B4GALT7: variants seen among roughly 807,000 people sequenced by gnomAD.
B4GALT7 encodes UDP-Gal:beta-GlcNAc beta-1,4-galactosyltransferase 7.
In B4GALT7, 30 loss-of-function variants were observed where a neutral mutation model predicts 33.0. That is an observed-to-expected ratio of 0.91 (90% CI 0.68 to 1.23). B4GALT7 has a LOEUF of 1.23. Among genes scored for constraint, B4GALT7 ranks in the 50% most tolerant of loss-of-function variants. The pLI is 0.00. For missense variants in B4GALT7, 507 were observed against 450.8 expected, an observed-to-expected ratio of 1.12 and a Z score of -1.13; for synonymous variants, 213 against 187.2, an observed-to-expected ratio of 1.14 and a Z score of -1.13.
intron 3 of B4GALT7, chr5:177,607,948 C>T (rs1017368412): frequency 1.5e-4 from 44 of 294,520 alleles, no homozygotes; most frequent in South Asian, 1.5e-3. Flanking sequence ...TCCCTTGTAG[C>T]TCAGGCAGGA....
chr5:177,607,334 T>TC lies in B4GALT7; in HGVS notation c.448dup (p.Leu150ProfsTer16), dbSNP rs1768042839. ...CGGGCAGCGCTCATCAACGTGGGCT[T>TC]CCTGGAGAGCAGCAACAGCACGGAC... On this transcript the variant is annotated frameshift_variant, in exon 3 of 6. Coordinates refer to ENST00000029410, the MANE Select transcript of B4GALT7 (RefSeq NM_007255.3). LOFTEE classifies it high-confidence loss of function. 1.9e-6 allele frequency: 3 copies of TC among 1,613,352 alleles called. No homozygotes were observed. Among genetic ancestry groups the TC allele is most frequent in the Non-Finnish European group, 2.5e-6 (3 of 1,179,704 alleles).
Position 177,604,411 on chromosome 5 carries a change from C to T in B4GALT7, c.283C>T (p.Leu95=), listed in dbSNP as rs926913315. The change falls in exon 2 of 6, where the codon CTG becomes TTG. Residue 95 remains leucine, a synonymous_variant. Coordinates refer to ENST00000029410, the MANE Select transcript of B4GALT7 (RefSeq NM_007255.3). The part of the protein sequence containing the change: ...EEDASWGPHR[L]AVLVPFRERF... ...AGACGCATCCTGGGGCCCCCACCGC[C>T]TGGCAGTGCTGGTGCCCTTCCGCGA... is the stretch of plus-strand genomic sequence containing the variant. 4 of 1,613,824 alleles carry T rather than the reference C, an allele frequency of 2.5e-6. No homozygotes were observed. The African/African-American group carries it at 4.0e-5, about 16-fold the overall frequency.
In B4GALT7 at chr5:177,609,812, C is replaced by A; in HGVS notation, c.*117C>A. 2 of 1,394,702 alleles carry A rather than the reference C, an allele frequency of 1.4e-6. No homozygotes were observed. The highest frequency in any genetic ancestry group is 9.8e-7 in the Non-Finnish European group (1 of 1,018,384). 86.4% of individuals were successfully genotyped at this position (1,394,702 alleles called of 1,614,324 possible). A position where few individuals can be genotyped will look rare whatever the true frequency, so the allele number is the denominator to read the frequency against. ...TGTGGAGTGGCCAGGACCAAGACAGCAAGCTACGCAATTGCAGCCACCCGG... is the reference window on the plus strand; with the variant it reads ...TGTGGAGTGGCCAGGACCAAGACAGAAAGCTACGCAATTGCAGCCACCCGG... On this transcript the variant is annotated 3_prime_UTR_variant, in exon 6 of 6. Coordinates refer to ENST00000029410, the MANE Select transcript of B4GALT7 (RefSeq NM_007255.3).
chr5:177,604,228 C>G lies in B4GALT7; in HGVS notation c.100C>G (p.Leu34Val). The change falls in exon 2 of 6, where the codon CTG becomes GTG. Residue 34 changes from leucine (L) to valine (V), a missense_variant. By Grantham distance (32) the Leu-to-Val change is conservative. Transcript: ENST00000029410. ...CCCTCGGAAGTGTTCCGTCTTCCACCTGTTCGTGGCCTGCCTCTCGCTGGG... is the reference window on the plus strand; with the variant it reads ...CCCTCGGAAGTGTTCCGTCTTCCACGTGTTCGTGGCCTGCCTCTCGCTGGG... ...GLPRKCSVFH[L>V]FVACLSLGFF... The G allele has an allele frequency of 6.2e-7, 1 of 1,613,754 alleles. No individual in the cohort carries two copies. The highest frequency in any genetic ancestry group is 8.5e-7 in the Non-Finnish European group (1 of 1,179,942).
In B4GALT7 at chr5:177,600,499, C is replaced by T. The variant is rs531316654; in HGVS notation, c.50+239C>T. Among the ~76,000 whole-genome samples, 12 of 150,172 alleles carry T rather than the reference C, an allele frequency of 8.0e-5. No homozygotes were observed. The highest frequency in any genetic ancestry group is 6.7e-5 in the Admixed American group (1 of 14,980). On this transcript the variant is annotated intron_variant, in intron 1 of 5. Transcript: ENST00000029410. The surrounding 1 kb of genome is among the most constrained non-coding windows in gnomAD (Gnocchi z 4.4). ...GCACTCGTCCTTCCCCCAGCACCTT[C>T]CCCCCGGCCCGTGGGTCCGTATTTC...
rs190598936 is a variant in B4GALT7, at chr5:177,600,417, C to A, written c.50+157C>A. ...CCTGTGGGTCCCTGGCGCTCTGTTC[C>A]GGTTTCTGTCTGTCCCTGTGGGTCT... On this transcript the variant is annotated intron_variant, in intron 1 of 5. Coordinates refer to ENST00000029410, the MANE Select transcript of B4GALT7 (RefSeq NM_007255.3). The surrounding 1 kb of genome is among the most constrained non-coding windows in gnomAD (Gnocchi z 4.4). 8.7e-4 allele frequency among the ~76,000 whole-genome samples: 132 copies of A among 152,246 alleles called. No homozygotes were observed. Among genetic ancestry groups the A allele is most frequent in the Non-Finnish European group, 1.6e-3 (106 of 68,010 alleles).
Position 177,609,653 on chromosome 5 carries a change from G to A in B4GALT7, c.942G>A (p.Leu314=). The A allele has an allele frequency of 6.2e-7, 1 of 1,613,628 alleles. No homozygotes were observed. The highest frequency in any genetic ancestry group is 1.7e-5 in the Admixed American group (1 of 60,020). ...CCTGCACTGTCCTCAACATCATGTT[G>A]GACTGTGACAAGACCGCCACACCCT... ...GAPCTVLNIM[L]DCDKTATPWC... Residue 314 remains leucine, a synonymous_variant, in exon 6 of 6, where the codon TTG becomes TTA. Coordinates refer to ENST00000029410, the MANE Select transcript of B4GALT7 (RefSeq NM_007255.3).
rs773659654 is a variant in B4GALT7, at chr5:177,607,492, G to C, written c.604G>C (p.Gly202Arg). 2 of 1,613,248 alleles carry C rather than the reference G, an allele frequency of 1.2e-6. No individual in the cohort carries two copies. The highest frequency in any genetic ancestry group is 2.2e-5 in the East Asian group (1 of 44,882). ...CTACCACTACAAGACCTATGTCGGC[G>C]GCATCCTGCTGCTCTCCAAGCAGCA... ...PLYHYKTYVGGILLLSKQHYR... is the reference protein window; with the variant it reads ...PLYHYKTYVGRILLLSKQHYR... The change falls in exon 3 of 6, where the codon GGC becomes CGC. Residue 202 changes from glycine (G) to arginine (R), a missense_variant. Coordinates refer to ENST00000029410, the MANE Select transcript of B4GALT7 (RefSeq NM_007255.3).
chr5:177,607,850 T>G, intron 3 of B4GALT7: 8 of 425,186 alleles, frequency 1.9e-5, no homozygotes, highest in Non-Finnish European at 3.1e-5. Context: ...CCAGCTCTCC[T>G]TCCCTGCACT....
Position 177,606,071 on chromosome 5 carries a change from G to A in B4GALT7, c.414-1231G>A, listed in dbSNP as rs1338732412. ...GTCTGTGGGTTCTGCTCATCTCCCC[G>A]AGCTCTCACCATCGGGGCTTCTCTG... On this transcript the variant is annotated intron_variant, in intron 2 of 5. Coordinates refer to ENST00000029410, the MANE Select transcript of B4GALT7 (RefSeq NM_007255.3). This position sits in a 1 kb window ranked among gnomAD's most constrained non-coding sequence, Gnocchi z 4.2. 1 of 152,142 alleles carries A rather than the reference G, an allele frequency of 6.6e-6. No individual in the cohort carries two copies. Among genetic ancestry groups the A allele is most frequent in the Non-Finnish European group, 1.5e-5 (1 of 68,066 alleles). The allele number at this position is 152,142 out of a possible 1,614,324, so 9.4% of individuals were successfully genotyped here.
In B4GALT7 at chr5:177,608,490, C is replaced by A. The variant is rs776824378; in HGVS notation, c.640-49C>A. On this transcript the variant is annotated intron_variant, in intron 3 of 5. Transcript: ENST00000029410. The surrounding 1 kb of genome is among the most constrained non-coding windows in gnomAD (Gnocchi z 4.1). ...CCCGAGCGGTAGGAGACCAAAGGCC[C>A]CCCCCCCCGGGAAGATGGGCCGAGT... The A allele has an allele frequency of 6.2e-5, 78 of 1,264,266 alleles. 1 individual carries two copies. Among genetic ancestry groups the A allele is most frequent in the African/African-American group, 4.4e-4 (30 of 68,360 alleles). 78.3% of individuals were successfully genotyped at this position (1,264,266 alleles called of 1,614,324 possible).
At chr5:177,603,491 T>G (rs2127511050) in intron 1 of B4GALT7, 1 of 460,634 alleles carries the variant, frequency 2.2e-6, no homozygotes, top group East Asian at 1.6e-4. Flanking sequence ...GCCCTCATCT[T>G]TCTTTCCCTC....
At chr5:177,607,064 T>C (rs1324404892) in intron 2 of B4GALT7, 1 of 595,378 alleles carries the variant, frequency 1.7e-6, no homozygotes, top group African/African-American at 1.8e-5. Flanking sequence ...GGAATCTCAG[T>C]TCCTTGAGAA....
At position 177,608,846 on chromosome 5, in the gene B4GALT7, C is replaced by G. The variant is rs1433740571; in HGVS notation, c.724-64C>G. ...GTCCCTTCCTGTGGGACCTCGGGAG[C>G]TGGTGGTGAGGGCTGGGGCTCCAGG... On this transcript the variant is annotated intron_variant, in intron 4 of 5. Coordinates refer to ENST00000029410, the MANE Select transcript of B4GALT7 (RefSeq NM_007255.3). This position sits in a 1 kb window ranked among gnomAD's most constrained non-coding sequence, Gnocchi z 4.1. 7.0e-7 allele frequency: 1 copy of G among 1,422,064 alleles called. No homozygotes were observed. The highest frequency in any genetic ancestry group is 9.9e-7 in the Non-Finnish European group (1 of 1,008,976). The allele number at this position is 1,422,064 out of a possible 1,614,324, so 88.1% of individuals were successfully genotyped here.
At chr5:177,604,830 G>T (rs992918087) in intron 2 of B4GALT7, among the ~76,000 whole-genome samples, 2 of 152,128 alleles carry the variant, frequency 1.3e-5, no homozygotes, top group Admixed American at 1.3e-4. Context: ...ATGGCCTGGT[G>T]GGGGGTGGGT....
Position 177,608,530 on chromosome 5 carries a change from C to G in B4GALT7, c.640-9C>G. ...ATGGGCCGAGTGACGCTGCTTGTCTCTGTGTCAGTGCAATGGGATGTCCAA... is the reference window on the plus strand; with the variant it reads ...ATGGGCCGAGTGACGCTGCTTGTCTGTGTGTCAGTGCAATGGGATGTCCAA... On this transcript the variant is annotated splice_polypyrimidine_tract_variant and intron_variant, in intron 3 of 5. Transcript: ENST00000029410. This position sits in a 1 kb window ranked among gnomAD's most constrained non-coding sequence, Gnocchi z 4.1. 3 of 1,609,420 alleles carry G rather than the reference C, an allele frequency of 1.9e-6. No individual in the cohort carries two copies. Among genetic ancestry groups the G allele is most frequent in the Admixed American group, 1.7e-5 (1 of 59,990 alleles).
rs766078359 is a variant in B4GALT7 at position 177,609,024 on chromosome 5, G to A, written c.828+10G>A. The A allele has an allele frequency of 1.4e-4, 218 of 1,607,210 alleles. No homozygotes were observed. The highest frequency in any genetic ancestry group is 1.7e-4 in the Non-Finnish European group (201 of 1,178,184). On this transcript the variant is annotated intron_variant, in intron 5 of 5. Transcript: ENST00000029410. ...CGCAGCTCAAAAACAGGTGCTGGCA[G>A]GGCTCCTCATTGGGGACAGATAGGT...
At position 177,604,536 on chromosome 5, in the gene B4GALT7, C is replaced by T. The variant is rs1204837186; in HGVS notation, c.408C>T (p.His136=). The part of the protein sequence containing the change: ...HHIYVLNQVD[H]FRFNRAALIN... ...TCTACGTGCTCAACCAGGTGGACCA[C>T]TTCAGGTAGCGCCCGCCCCCACCCT... Residue 136 remains histidine (H), a synonymous_variant, in exon 2 of 6, where the codon CAC becomes CAT. Transcript: ENST00000029410. 1 of 1,613,780 alleles carries T rather than the reference C, an allele frequency of 6.2e-7. No individual in the cohort carries two copies. The highest frequency in any genetic ancestry group is 1.7e-5 in the Admixed American group (1 of 60,016).
Position 177,607,536 on chromosome 5 carries a change from C to A in B4GALT7, c.639+9C>A, listed in dbSNP as rs758275982. Reference sequence around the variant, plus strand: ...AGCAGCACTACCGGCTGGTGAGGCCCGGACAGCCTGCTCTGCTCAGAGCCG... The same window carrying A: ...AGCAGCACTACCGGCTGGTGAGGCCAGGACAGCCTGCTCTGCTCAGAGCCG... On this transcript the variant is annotated intron_variant, in intron 3 of 5. Transcript: ENST00000029410. 5.0e-6 allele frequency: 8 copies of A among 1,607,954 alleles called. No individual in the cohort carries two copies. The highest frequency in any genetic ancestry group is 6.8e-6 in the Non-Finnish European group (8 of 1,178,790).
Sources: gnomAD v4.1 joint callset for allele counts (sites outside exome capture counted in the v4.1 genomes callset) on GRCh38, gnomAD v4.1.1 for gene constraint, Gnocchi (gnomAD v3.1) non-coding constraint, MANE v1.5 for transcripts, NCBI Gene and HGNC (gene_info 2026-07-23, HGNC 2026-07-21) for gene names.